MAD1L1: variants seen among roughly 807,000 people sequenced by gnomAD.
MAD1L1 encodes mitotic spindle assembly checkpoint protein MAD1.
A neutral mutation model predicts 96.9 loss-of-function variants in MAD1L1; 95 were observed. The observed-to-expected ratio is 0.98, with a 90% CI of 0.83 to 1.16. MAD1L1 has a LOEUF of 1.16. Ranked by LOEUF, MAD1L1 falls within the 50% of genes most tolerant of loss-of-function variation. MAD1L1 has a pLI of 0.00. For missense variants in MAD1L1, 1,007 were observed against 954.4 expected (o/e 1.06, Z -0.73); for synonymous variants, 473 against 396.6 (o/e 1.19, Z -2.29).
At chr7:1,958,958 A>C (rs1461334083) in intron 15 of MAD1L1, among the ~76,000 whole-genome samples, 1 of 152,200 alleles carries the variant, frequency 6.6e-6, no homozygotes, top group East Asian at 1.9e-4. Flanking sequence ...ACTATCAAAA[A>C]CAAAACACAG....
At chr7:2,079,402 G>A (rs746103691) in intron 11 of MAD1L1, among the ~76,000 whole-genome samples, 1 of 152,224 alleles carries the variant, frequency 6.6e-6, no homozygotes, top group Non-Finnish European at 1.5e-5. Context: ...ACCAGAGAAT[G>A]AGAAGACCAA....
At chr7:1,898,910 G>A (rs1385830032) in intron 17 of MAD1L1, among the ~76,000 whole-genome samples, 1 of 152,166 alleles carries the variant, frequency 6.6e-6, no homozygotes, top group Admixed American at 6.5e-5. Flanking sequence ...CCATTCCCAG[G>A]TTGCCGCCTG....
intron 10 of MAD1L1, among the ~76,000 whole-genome samples, chr7:2,180,566 T>C (rs141465431): frequency 3.3e-5 from 5 of 152,320 alleles, no homozygotes; most frequent in Non-Finnish European, 5.9e-5. Flanking sequence ...GTAATAAAAA[T>C]AGTGCAACTG....
chr7:1,922,793 G>T (rs549806846), intron 17 of MAD1L1, among the ~76,000 whole-genome samples: 7 of 152,180 alleles, frequency 4.6e-5, no homozygotes, highest in Admixed American at 4.6e-4. Context: ...GGGGGTTCTC[G>T]GCTTCTCCTG....
chr7:1,952,469 C>T (rs1026224773), intron 16 of MAD1L1, among the ~76,000 whole-genome samples: 9 of 152,346 alleles, frequency 5.9e-5, no homozygotes, highest in South Asian at 4.1e-4. Context: ...GCACCTCATC[C>T]GTCTGAACCA....
chr7:1,978,621 CA>C (rs1199374854), intron 15 of MAD1L1, among the ~76,000 whole-genome samples: 2 of 152,118 alleles, frequency 1.3e-5, no homozygotes, highest in Non-Finnish European at 2.9e-5. Context: ...CCCACACCCA[CA>C]CTCACACACA....
chr7:2,000,085 A>G (rs1437317130), intron 14 of MAD1L1, among the ~76,000 whole-genome samples: 1 of 151,652 alleles, frequency 6.6e-6, no homozygotes, highest in African/African-American at 2.4e-5. Context: ...CAGGGCACCG[A>G]CTCAAAGCCT....
intron 12 of MAD1L1, among the ~76,000 whole-genome samples, chr7:2,065,408 A>G (rs1412164523): frequency 6.6e-6 from 1 of 152,186 alleles, no homozygotes; most frequent in Non-Finnish European, 1.5e-5. Flanking sequence ...GTTGGTTTTG[A>G]GACCGTGGAT....
At chr7:2,132,026 C>G (rs1788533452) in intron 11 of MAD1L1, among the ~76,000 whole-genome samples, 1 of 152,238 alleles carries the variant, frequency 6.6e-6, no homozygotes, top group African/African-American at 2.4e-5. Context: ...AGCGTGGTCC[C>G]TCTCTTCTCC....
intron 11 of MAD1L1, among the ~76,000 whole-genome samples, chr7:2,084,459 C>T (rs1339234650): frequency 2.6e-5 from 4 of 152,272 alleles, no homozygotes; most frequent in Non-Finnish European, 5.9e-5. Flanking sequence ...TGCGCCCACG[C>T]AGACGTGCCG....
intron 17 of MAD1L1, among the ~76,000 whole-genome samples, chr7:1,925,819 C>T (rs965470614): frequency 2.0e-5 from 3 of 152,172 alleles, no homozygotes; most frequent in Non-Finnish European, 2.9e-5. Context: ...GGAACGCTTA[C>T]GTTGGAAAGC....
At chr7:2,113,332 C>G (rs566682842) in intron 11 of MAD1L1, among the ~76,000 whole-genome samples, 2 of 152,310 alleles carry the variant, frequency 1.3e-5, no homozygotes, top group South Asian at 4.2e-4. Flanking sequence ...GTAATCCCAG[C>G]GCTTTGGGAG....
chr7:2,193,891 T>C (rs1791849989), intron 10 of MAD1L1, among the ~76,000 whole-genome samples: 1 of 148,164 alleles, frequency 6.7e-6, no homozygotes, highest in African/African-American at 2.5e-5. Flanking sequence ...AGGCTCTGCA[T>C]GGGAAAGAAA....
chr7:2,122,452 C>T (rs756213953), intron 11 of MAD1L1, among the ~76,000 whole-genome samples: 2 of 152,096 alleles, frequency 1.3e-5, no homozygotes, highest in Non-Finnish European at 2.9e-5. Context: ...GGACAAACCC[C>T]GTTACTACTA....
intron 11 of MAD1L1, among the ~76,000 whole-genome samples, chr7:2,102,325 T>TCACCATCACCATCACCACCGC (rs1786842875): frequency 2.0e-5 from 2 of 102,456 alleles, no homozygotes; most frequent in African/African-American, 6.9e-5. Flanking sequence ...ATCACCGCCG[T>TCACCATCACCATCACCACCGC]CACCATCACC....
At chr7:2,083,288 C>T (rs1406904607) in intron 11 of MAD1L1, among the ~76,000 whole-genome samples, 3 of 152,220 alleles carry the variant, frequency 2.0e-5, no homozygotes, top group African/African-American at 4.8e-5. Context: ...TTATGAACCT[C>T]GCTTCCTCCG....
intron 15 of MAD1L1, among the ~76,000 whole-genome samples, chr7:1,978,341 G>A (rs1303702723): frequency 6.6e-6 from 1 of 152,240 alleles, no homozygotes; most frequent in East Asian, 1.9e-4. Context: ...GGCTGCTCTT[G>A]CAAGTCAGGG....
chr7:1,870,610 C>T (rs1413224409), intron 18 of MAD1L1, among the ~76,000 whole-genome samples: 5 of 141,034 alleles, frequency 3.5e-5, no homozygotes, highest in Admixed American at 7.1e-5. Flanking sequence ...ACACCTGCCA[C>T]GCTGAACCCA....
intron 14 of MAD1L1, 129 bp from the exon 15 acceptor site, chr7:1,980,670 C>G: frequency 1.3e-6 from 1 of 751,258 alleles, no homozygotes; most frequent in Non-Finnish European, 2.4e-6. Flanking sequence ...GCGGGAGAGA[C>G]CTCTCTCCTG....
Sources: gnomAD v4.1 joint callset for allele counts (sites outside exome capture counted in the v4.1 genomes callset) on GRCh38, gnomAD v4.1.1 for gene constraint, MANE v1.5 for transcripts, NCBI Gene and HGNC (gene_info 2026-07-23, HGNC 2026-07-21) for gene names.